Variants in TNS3 observed in about 807,000 individuals in gnomAD.
TNS3 encodes the protein tensin-3.
A neutral mutation model predicts 140.9 loss-of-function variants in TNS3; 45 were observed. The observed-to-expected ratio is 0.32, with a 90% CI of 0.25 to 0.41. The LOEUF is 0.41. Among genes scored for constraint, TNS3 ranks in the 10% least tolerant of loss-of-function variants. The pLI, the probability that TNS3 is intolerant of heterozygous loss-of-function variation, is 1.00. For synonymous variants in TNS3, 815 were observed against 788.4 expected (o/e 1.03, Z -0.56); for missense variants, 1,716 against 1,906.7 (o/e 0.90, Z 1.86).
chr7:47,275,532 G>A lies in TNS3; in HGVS notation c.*2544C>T, dbSNP rs1051559151. ...CCCTGGAGACAAAATGCCTGGAAAC[G>A]TTCCTTTTCCTGTGGCCCTAGAGCC... On this transcript the variant is annotated 3_prime_UTR_variant, in exon 31 of 31. Transcript: ENST00000311160. The A allele has an allele frequency of 6.4e-5, 20 of 314,254 alleles. No individual in the cohort carries two copies. The highest frequency in any genetic ancestry group is 2.0e-4 in the African/African-American group (9 of 45,666). 19.5% of individuals were successfully genotyped at this position (314,254 alleles called of 1,614,324 possible).
chr7:47,458,492 G>A (rs1017186368), intron 4 of TNS3, among the ~76,000 whole-genome samples: 1 of 152,214 alleles, frequency 6.6e-6, no homozygotes, highest in African/African-American at 2.4e-5. Context: ...AGAGAGATTA[G>A]ATGTCCTGTA....
intron 16 of TNS3, among the ~76,000 whole-genome samples, chr7:47,373,606 C>T (rs1217738320): frequency 6.6e-6 from 1 of 152,212 alleles, no homozygotes; most frequent in Non-Finnish European, 1.5e-5. Flanking sequence ...AGGTGCTGCC[C>T]TACCACCCTT....
At chr7:47,518,230 A>G (rs1055735296) in intron 2 of TNS3, among the ~76,000 whole-genome samples, 1 of 152,176 alleles carries the variant, frequency 6.6e-6, no homozygotes, top group African/African-American at 2.4e-5. Context: ...GAATGGGGAT[A>G]AGGCTCAAGA....
At chr7:47,469,683 T>C (rs1006288760) in intron 4 of TNS3, among the ~76,000 whole-genome samples, 2 of 151,780 alleles carry the variant, frequency 1.3e-5, no homozygotes, top group Non-Finnish European at 2.9e-5. Context: ...ATAAAGAAAA[T>C]GTGGTATAGG....
chr7:47,396,496 A>C, intron 16 of TNS3: 2 of 351,870 alleles, frequency 5.7e-6, no homozygotes, highest in Non-Finnish European at 1.0e-5. Context: ...AGAAGGGGGA[A>C]CGGTCCCTGG....
intron 20 of TNS3, among the ~76,000 whole-genome samples, chr7:47,307,642 T>A (rs1786835531): frequency 6.6e-6 from 1 of 152,254 alleles, no homozygotes; most frequent in Non-Finnish European, 1.5e-5. Flanking sequence ...GCCATTCTAG[T>A]GCTGGCGTAG....
intron 20 of TNS3, among the ~76,000 whole-genome samples, chr7:47,315,207 C>T (rs1216902075): frequency 6.6e-6 from 1 of 152,228 alleles, no homozygotes; most frequent in Non-Finnish European, 1.5e-5. Context: ...CACATTTTCC[C>T]TTTGCTGCTC....
rs1238134337 is a variant in TNS3, at chr7:47,293,599, G to T, written c.3772+134C>A. The T allele has an allele frequency of 5.5e-6, 4 of 732,060 alleles. No homozygotes were observed. The Admixed American group carries it at 1.0e-4, about 19-fold the overall frequency. 45.3% of individuals were successfully genotyped at this position (732,060 alleles called of 1,614,324 possible). A position where few individuals can be genotyped will look rare whatever the true frequency, so the allele number is the denominator to read the frequency against. ...TTAAAGATAATAATGCAGATCAGCA[G>T]GATTTCAGAACTGGGGACTGAAATA... On this transcript the variant is annotated intron_variant, in intron 25 of 30. Transcript: ENST00000311160.
intron 1 of TNS3, among the ~76,000 whole-genome samples, chr7:47,550,781 T>C (rs566846370): frequency 6.6e-6 from 1 of 152,328 alleles, no homozygotes; most frequent in African/African-American, 2.4e-5. Context: ...TAACATAGAA[T>C]GGGATTCGAA....
chr7:47,307,213 G>A (rs1786812152), intron 20 of TNS3, among the ~76,000 whole-genome samples: 1 of 152,136 alleles, frequency 6.6e-6, no homozygotes, highest in Non-Finnish European at 1.5e-5. Context: ...CTTTGCTTTA[G>A]TGTGCATTTC....
At chr7:47,364,710 C>CA (rs1790591566) in intron 17 of TNS3, among the ~76,000 whole-genome samples, 1 of 152,216 alleles carries the variant, frequency 6.6e-6, no homozygotes, top group Non-Finnish European at 1.5e-5. Context: ...GCTTACCTAG[C>CA]ACAAGAGGCA....
At chr7:47,302,846 C>A (rs1786485017) in intron 22 of TNS3, 104 bp downstream of exon 22, 1 of 1,445,196 alleles carries the variant, frequency 6.9e-7, no homozygotes, top group South Asian at 1.5e-5. Flanking sequence ...TCCAGGTGCC[C>A]AGCCCAGCAC....
chr7:47,301,188 T>C (rs2150695078), intron 23 of TNS3, among the ~76,000 whole-genome samples: 1 of 152,248 alleles, frequency 6.6e-6, no homozygotes, highest in Non-Finnish European at 1.5e-5. Flanking sequence ...AGCTTGTCAT[T>C]TCTCACCGCT....
In TNS3 at chr7:47,309,976, A is replaced by G. The variant is rs139763061; in HGVS notation, c.2651-4973T>C. 4.6e-5 allele frequency among the ~76,000 whole-genome samples: 7 copies of G among 152,348 alleles called. No individual in the cohort carries two copies. In the East Asian group the frequency reaches 1.3e-3, roughly 29 times the overall value. ...GGCCAAAACCTCCAGGGAAGGGAGCAGGAGATCCATGGCCATTTTTCCTTC... is the reference window on the plus strand; with the variant it reads ...GGCCAAAACCTCCAGGGAAGGGAGCGGGAGATCCATGGCCATTTTTCCTTC... On this transcript the variant is annotated intron_variant, in intron 20 of 30. Transcript: ENST00000311160.
chr7:47,357,735 C>T (rs949484925), intron 17 of TNS3, among the ~76,000 whole-genome samples: 3 of 152,044 alleles, frequency 2.0e-5, no homozygotes, highest in Non-Finnish European at 2.9e-5. Context: ...GGGTAGGCGC[C>T]GGCAAAACTG....
At chr7:47,559,242 T>TGGGAGGCTGAGGCAGAA (rs1800273123) in intron 1 of TNS3, among the ~76,000 whole-genome samples, 1 of 152,074 alleles carries the variant, frequency 6.6e-6, no homozygotes, top group Non-Finnish European at 1.5e-5. Flanking sequence ...CTCAGCTACT[T>TGGGAGGCTGAGGCAGAA]GGGAGGCTGA....
chr7:47,504,776 A>G (rs1306119504), intron 3 of TNS3, among the ~76,000 whole-genome samples: 1 of 152,128 alleles, frequency 6.6e-6, no homozygotes, highest in Non-Finnish European at 1.5e-5. Context: ...ACGGCATTAT[A>G]TTTTTGGAAT....
intron 4 of TNS3, among the ~76,000 whole-genome samples, chr7:47,474,423 C>T (rs555214942): frequency 6.7e-6 from 1 of 149,460 alleles, no homozygotes; most frequent in African/African-American, 2.5e-5. Context: ...AAACACAACA[C>T]AAACAACACA....
At position 47,293,727 on chromosome 7, in the gene TNS3, A is replaced by G; in HGVS notation, c.3772+6T>C. 6.2e-7 allele frequency: 1 copy of G among 1,613,770 alleles called. No homozygotes were observed. Among genetic ancestry groups the G allele is most frequent in the South Asian group, 1.1e-5 (1 of 91,056 alleles). ...AACATTGACAGCAACCTCTCAAGCAACTCACCGAAATATGGTTCATTCGAG... is the reference window on the plus strand; with the variant it reads ...AACATTGACAGCAACCTCTCAAGCAGCTCACCGAAATATGGTTCATTCGAG... On this transcript the variant is annotated splice_donor_region_variant and intron_variant, in intron 25 of 30. Coordinates refer to ENST00000311160, the MANE Select transcript of TNS3 (RefSeq NM_022748.12).
Sources: allele counts gnomAD v4.1 joint callset (sites outside exome capture counted in the v4.1 genomes callset), GRCh38; gene constraint gnomAD v4.1.1; transcripts MANE v1.5; gene names NCBI Gene and HGNC (gene_info 2026-07-23, HGNC 2026-07-21).